The following KIAA0825 variants were observed in gnomAD, a reference collection of about 807,000 sequenced individuals.
The protein encoded by KIAA0825 is uncharacterized protein KIAA0825.
Under a neutral mutation model 147.6 loss-of-function variants are expected in KIAA0825, and 119 were observed. The observed-to-expected ratio is 0.81, with a 90% CI of 0.69 to 0.94. The LOEUF (loss-of-function observed/expected upper bound fraction) is 0.94. KIAA0825 is among the 40% of genes least tolerant of loss of function. The probability of loss-of-function intolerance (pLI) is 0.00; values close to 1 mark genes in which losing one functional copy is unlikely to be tolerated. For missense variants in KIAA0825, 1,381 were observed against 1,472.7 expected, an observed-to-expected ratio of 0.94 and a Z score of 1.02; for synonymous variants, 470 against 518.1, an observed-to-expected ratio of 0.91 and a Z score of 1.26.
At chr5:94,159,208 C>T (rs1583698237) in intron 20 of KIAA0825, among the ~76,000 whole-genome samples, 1 of 152,034 alleles carries the variant, frequency 6.6e-6, no homozygotes, top group East Asian at 1.9e-4. Flanking sequence ...GATAATAAAA[C>T]CTCTCCCAGA....
At chr5:94,447,611 T>C (rs372480274) in intron 13 of KIAA0825, among the ~76,000 whole-genome samples, 1 of 152,134 alleles carries the variant, frequency 6.6e-6, no homozygotes, top group East Asian at 1.9e-4. Context: ...GCATAATGCC[T>C]TACATGGAGA....
At chr5:94,545,517 G>A (rs1476521440) in intron 2 of KIAA0825, among the ~76,000 whole-genome samples, 1 of 152,136 alleles carries the variant, frequency 6.6e-6, no homozygotes, top group Non-Finnish European at 1.5e-5. Context: ...TTGGATACTA[G>A]CTCAGCAACA....
intron 20 of KIAA0825, among the ~76,000 whole-genome samples, chr5:94,263,839 C>T (rs1014126759): frequency 6.6e-6 from 1 of 152,114 alleles, no homozygotes; most frequent in Admixed American, 6.6e-5. Context: ...TCTCCACCTC[C>T]GGACCATCCT....
intron 2 of KIAA0825, among the ~76,000 whole-genome samples, chr5:94,577,557 T>A (rs1781306488): frequency 6.6e-6 from 1 of 152,226 alleles, no homozygotes; most frequent in Non-Finnish European, 1.5e-5. Flanking sequence ...AATTGAAAAG[T>A]TTCCCAGGGC....
intron 5 of KIAA0825, among the ~76,000 whole-genome samples, chr5:94,510,150 A>T (rs1225501719): frequency 6.6e-6 from 1 of 152,220 alleles, no homozygotes; most frequent in Non-Finnish European, 1.5e-5. Flanking sequence ...TTGCCAGTGA[A>T]AATGCTAACA....
chr5:94,440,085 CT>C lies in KIAA0825; in HGVS notation c.2393del (p.Gln798ArgfsTer2). ...PSAGGLKAEG[Q>X]LKLLLSQPRC... ...GTGGCTGGGATAAGAGCAGTTTCAACTGACCCTCGGCTTTCAGTCCTCCAGC... is the reference window on the plus strand; with the variant it reads ...GTGGCTGGGATAAGAGCAGTTTCAACGACCCTCGGCTTTCAGTCCTCCAGC... On this transcript the variant is annotated frameshift_variant, in exon 14 of 21. Coordinates refer to ENST00000682413, the MANE Select transcript of KIAA0825 (RefSeq NM_001145678.3). LOFTEE classifies it high-confidence loss of function. 6.4e-7 allele frequency: 1 copy of C among 1,551,504 alleles called. No individual in the cohort carries two copies. The highest frequency in any genetic ancestry group is 8.7e-7 in the Non-Finnish European group (1 of 1,146,818).
intron 7 of KIAA0825, 61 bp downstream of exon 7, chr5:94,477,050 T>G: frequency 8.6e-7 from 1 of 1,158,308 alleles, no homozygotes; most frequent in Non-Finnish European, 1.3e-6. Context: ...TCATAATGGA[T>G]TCACAGGCAT....
chr5:94,569,853 G>A (rs182282192), intron 2 of KIAA0825: 1 of 171,592 alleles, frequency 5.8e-6, no homozygotes. Context: ...TTATACTATG[G>A]CTCATTCCTC....
chr5:94,414,534 T>C (rs1753190754), intron 15 of KIAA0825: 1 of 152,208 alleles, frequency 6.6e-6, no homozygotes, highest in African/African-American at 2.4e-5. Flanking sequence ...ATTTTCCTTC[T>C]TGTCATCCCT....
At chr5:94,331,633 G>C (rs1483146959) in intron 20 of KIAA0825, among the ~76,000 whole-genome samples, 17 of 152,104 alleles carry the variant, frequency 1.1e-4, no homozygotes, top group Non-Finnish European at 1.5e-5. Flanking sequence ...TATCTTTCAT[G>C]AACATCAACA....
chr5:94,264,409 A>G (rs1776647894), intron 20 of KIAA0825, among the ~76,000 whole-genome samples: 2 of 152,178 alleles, frequency 1.3e-5, no homozygotes, highest in South Asian at 4.1e-4. Flanking sequence ...AAATGAATGA[A>G]TAGATAACCT....
chr5:94,614,596 C>T (rs1333756434), intron 1 of KIAA0825, among the ~76,000 whole-genome samples: 2 of 152,168 alleles, frequency 1.3e-5, no homozygotes, highest in East Asian at 3.8e-4. Context: ...TTTGCATCTT[C>T]CAGTAGAACA....
At chr5:94,565,852 A>G (rs1778612829) in intron 2 of KIAA0825, among the ~76,000 whole-genome samples, 5 of 152,208 alleles carry the variant, frequency 3.3e-5, no homozygotes, top group Admixed American at 3.3e-4. Flanking sequence ...GCTAATTAAC[A>G]TATCCATTGC....
At chr5:94,231,979 T>C (rs1035017687) in intron 20 of KIAA0825, among the ~76,000 whole-genome samples, 1 of 152,134 alleles carries the variant, frequency 6.6e-6, no homozygotes, top group Non-Finnish European at 1.5e-5. Flanking sequence ...TGTCCAAATC[T>C]GAGCACACCC....
chr5:94,181,311 G>A (rs1769592310), intron 20 of KIAA0825, among the ~76,000 whole-genome samples: 1 of 152,172 alleles, frequency 6.6e-6, no homozygotes, highest in Non-Finnish European at 1.5e-5. Flanking sequence ...AAGAGATTTG[G>A]TATTCCTCTA....
intron 20 of KIAA0825, among the ~76,000 whole-genome samples, chr5:94,247,597 T>C (rs968141628): frequency 2.0e-5 from 3 of 152,160 alleles, no homozygotes; most frequent in African/African-American, 7.2e-5. Flanking sequence ...ATATCTGCAC[T>C]TCCCTTTATC....
At chr5:94,491,037 G>C (rs1463515334) in intron 5 of KIAA0825, among the ~76,000 whole-genome samples, 2 of 152,048 alleles carry the variant, frequency 1.3e-5, no homozygotes, top group Non-Finnish European at 2.9e-5. Flanking sequence ...AATAATAGTG[G>C]TAAGATACAA....
At chr5:94,367,965 T>C (rs1009776099) in intron 20 of KIAA0825, among the ~76,000 whole-genome samples, 17 of 152,214 alleles carry the variant, frequency 1.1e-4, no homozygotes, top group African/African-American at 4.1e-4. Flanking sequence ...ATTAATTTGG[T>C]ATAAAGCTAA....
rs6876805 is a variant in KIAA0825 at position 94,244,647 on chromosome 5, G to A, written c.3711-90523C>T. ...GGTTTTGTCACTTACTGTGACCTTT[G>A]GCAAGTCACTTTTCTGAGTTTTGTT... On this transcript the variant is annotated intron_variant, in intron 20 of 20. Transcript: ENST00000682413. 2.1e-3 allele frequency among the ~76,000 whole-genome samples: 317 copies of A among 152,086 alleles called. 2 individuals are homozygous for A. The highest frequency in any genetic ancestry group is 7.4e-3 in the African/African-American group (308 of 41,468).
Sources: gnomAD v4.1 joint callset for allele counts (sites outside exome capture counted in the v4.1 genomes callset) on GRCh38, gnomAD v4.1.1 for gene constraint, MANE v1.5 for transcripts, NCBI Gene and HGNC (gene_info 2026-07-23, HGNC 2026-07-21) for gene names.